The following SMAP1 variants were observed in gnomAD, a reference collection of about 807,000 sequenced individuals.
The protein encoded by SMAP1 is stromal membrane-associated protein 1.
In SMAP1, 24 loss-of-function variants were observed where a neutral mutation model predicts 58.5. That is an observed-to-expected ratio of 0.41 (90% confidence interval 0.30 to 0.58). The LOEUF is 0.58. SMAP1 is among the 20% of genes least tolerant of loss of function. The probability of loss-of-function intolerance (pLI) is 0.29; values close to 1 mark genes in which losing one functional copy is unlikely to be tolerated. For synonymous variants in SMAP1, 216 were observed against 196.6 expected, an observed-to-expected ratio of 1.10 and a Z score of -0.82; for missense variants, 563 against 566.3, an observed-to-expected ratio of 0.99 and a Z score of 0.06.
chr6:70,684,312 A>C (rs1407438134), intron 1 of SMAP1, among the ~76,000 whole-genome samples: 3 of 152,214 alleles, frequency 2.0e-5, no homozygotes, highest in African/African-American at 4.8e-5. Context: ...ATAGATGGAA[A>C]GCACTAGAGC....
chr6:70,692,079 A>C (rs1044552829), intron 1 of SMAP1, among the ~76,000 whole-genome samples: 1 of 152,154 alleles, frequency 6.6e-6, no homozygotes, highest in Admixed American at 6.5e-5. Flanking sequence ...CCTTTTCTCC[A>C]CATCCATGCC....
At chr6:70,729,506 T>C (rs1386078077) in intron 1 of SMAP1, among the ~76,000 whole-genome samples, 1 of 151,782 alleles carries the variant, frequency 6.6e-6, no homozygotes, top group Non-Finnish European at 1.5e-5. Flanking sequence ...TGTGTGTATG[T>C]ATCCAGTTTG....
chr6:70,675,198 GTTTTTTT>G (rs67744035), intron 1 of SMAP1, among the ~76,000 whole-genome samples: 11 of 109,980 alleles, frequency 1.0e-4, no homozygotes, highest in Non-Finnish European at 2.0e-4. Flanking sequence ...ATTATATAGT[GTTTTTTT>G]TTTTTTTTTT....
In SMAP1 at chr6:70,725,093, GTTTTTT is replaced by G. The variant is rs745587315; in HGVS notation, c.119-7249_119-7244del. On this transcript the variant is annotated intron_variant, in intron 1 of 10. Coordinates refer to ENST00000370455, the MANE Select transcript of SMAP1 (RefSeq NM_001044305.3). ...GACTCCATATCCTAAATTAACCAGT[GTTTTTT>G]TTTTTTTTTTTTTTTTTTTTTTTTT... is the stretch of plus-strand genomic sequence containing the variant. Among the ~76,000 whole-genome samples, 192 of 47,810 alleles carry G rather than the reference GTTTTTT, an allele frequency of 4.0e-3. 6 individuals are homozygous for G. Among genetic ancestry groups the G allele is most frequent in the Middle Eastern group, 0.019 (1 of 52 alleles). 31.4% of individuals were successfully genotyped at this position (47,810 alleles called of 152,430 possible).
At chr6:70,754,280 AC>A (rs1363479597) in intron 2 of SMAP1, among the ~76,000 whole-genome samples, 1 of 152,154 alleles carries the variant, frequency 6.6e-6, no homozygotes, top group Non-Finnish European at 1.5e-5. Context: ...CATAGATGAC[AC>A]TGAAACCTAA....
chr6:70,832,179 C>T (rs1237209005), intron 6 of SMAP1, among the ~76,000 whole-genome samples: 1 of 152,070 alleles, frequency 6.6e-6, no homozygotes, highest in Non-Finnish European at 1.5e-5. Flanking sequence ...CAGACGCATA[C>T]TTAGCAAAAA....
At chr6:70,757,389 A>G (rs1037384337) in intron 3 of SMAP1, among the ~76,000 whole-genome samples, 3 of 151,648 alleles carry the variant, frequency 2.0e-5, no homozygotes, top group African/African-American at 7.3e-5. Context: ...TAAAGACTTA[A>G]ACGTTAGACC....
chr6:70,727,357 C>T (rs532164765), intron 1 of SMAP1, among the ~76,000 whole-genome samples: 1 of 152,328 alleles, frequency 6.6e-6, no homozygotes, highest in East Asian at 1.9e-4. Flanking sequence ...TATCTGCCCA[C>T]CTAAGTCTCC....
At chr6:70,842,034 T>C (rs1238214996) in intron 7 of SMAP1, among the ~76,000 whole-genome samples, 1 of 152,208 alleles carries the variant, frequency 6.6e-6, no homozygotes, top group Non-Finnish European at 1.5e-5. Flanking sequence ...CAGTTACCAG[T>C]GGACCTGGAA....
At chr6:70,806,217 G>A (rs755953309) in intron 6 of SMAP1, among the ~76,000 whole-genome samples, 23 of 152,172 alleles carry the variant, frequency 1.5e-4, no homozygotes, top group Admixed American at 2.6e-4. Context: ...CAGCTATAGC[G>A]GATGCCTCTC....
chr6:70,813,914 T>G (rs377161417), intron 6 of SMAP1, among the ~76,000 whole-genome samples: 7 of 152,202 alleles, frequency 4.6e-5, no homozygotes, highest in African/African-American at 1.7e-4. Flanking sequence ...TTTTAATGAG[T>G]TGAAAATCAT....
chr6:70,678,526 A>T (rs1425907041), intron 1 of SMAP1, among the ~76,000 whole-genome samples: 1 of 152,226 alleles, frequency 6.6e-6, no homozygotes, highest in African/African-American at 2.4e-5. Context: ...AAGTGAAATG[A>T]TCATCACCAG....
intron 9 of SMAP1, chr6:70,857,393 T>TA (rs893521436): frequency 1.4e-4 from 25 of 172,592 alleles, no homozygotes; most frequent in African/African-American, 4.0e-4. Flanking sequence ...CCACATGGAT[T>TA]AAAAAAAATC....
At chr6:70,715,420 T>C (rs1162900019) in intron 1 of SMAP1, among the ~76,000 whole-genome samples, 1 of 152,228 alleles carries the variant, frequency 6.6e-6, no homozygotes, top group Non-Finnish European at 1.5e-5. Flanking sequence ...TTAATCCTAT[T>C]TGGTATCATT....
intron 6 of SMAP1, among the ~76,000 whole-genome samples, chr6:70,830,259 T>C (rs1187315661): frequency 1.3e-5 from 2 of 152,218 alleles, no homozygotes; most frequent in Non-Finnish European, 2.9e-5. Context: ...AGTGAGTCTG[T>C]ATCTGTTGCT....
intron 6 of SMAP1, among the ~76,000 whole-genome samples, chr6:70,800,284 A>G (rs1467953512): frequency 1.3e-5 from 2 of 151,862 alleles, no homozygotes; most frequent in Non-Finnish European, 1.5e-5. Context: ...ACACAGCAAG[A>G]CACCCTTTAA....
intron 3 of SMAP1, among the ~76,000 whole-genome samples, chr6:70,761,603 C>T (rs957483553): frequency 6.6e-6 from 1 of 152,016 alleles, no homozygotes; most frequent in Admixed American, 6.6e-5. Context: ...GCCCTCAGTA[C>T]AGTAATTCTG....
Position 70,774,841 on chromosome 6 carries a change from C to T in SMAP1, c.414+1416C>T, listed in dbSNP as rs200139806. On this transcript the variant is annotated intron_variant, in intron 4 of 10. Transcript: ENST00000370455. ...CAGCCAGGCCAACATGGTGAAACCC[C>T]GTCTCTACTAAAAATACAAAAATTA... is the stretch of plus-strand genomic sequence containing the variant. 8.6e-5 allele frequency among the ~76,000 whole-genome samples: 13 copies of T among 151,716 alleles called. No homozygotes were observed. In the East Asian group the frequency reaches 1.2e-3, roughly 14 times the overall value.
intron 2 of SMAP1, among the ~76,000 whole-genome samples, chr6:70,740,534 C>T (rs1316005765): frequency 6.7e-6 from 1 of 149,574 alleles, no homozygotes; most frequent in Non-Finnish European, 1.5e-5. Flanking sequence ...TCCCTTTTTG[C>T]ACTTTTATCT....
Sources: gnomAD v4.1 joint callset for allele counts (sites outside exome capture counted in the v4.1 genomes callset) on GRCh38, gnomAD v4.1.1 for gene constraint, MANE v1.5 for transcripts, NCBI Gene and HGNC (gene_info 2026-07-23, HGNC 2026-07-21) for gene names.